Variants in DOCK2 observed in about 807,000 individuals in gnomAD.
DOCK2 encodes the protein dedicator of cytokinesis protein 2.
Under a neutral mutation model 248.9 loss-of-function variants are expected in DOCK2, and 87 were observed. The ratio of observed to expected loss-of-function variants is 0.35; its 90% CI spans 0.29 to 0.42. DOCK2 has a LOEUF of 0.42. Ranked by LOEUF, DOCK2 falls within the 10% of genes least tolerant of loss-of-function variation. The probability of loss-of-function intolerance (pLI) is 1.00; values close to 1 mark genes in which losing one functional copy is unlikely to be tolerated. For missense variants in DOCK2, 1,747 were observed against 2,300.2 expected, an observed-to-expected ratio of 0.76 and a Z score of 4.92; for synonymous variants, 805 against 821.6, an observed-to-expected ratio of 0.98 and a Z score of 0.35.
rs547978458 is a variant in DOCK2 at position 169,835,260 on chromosome 5, G to GTT, written c.2704-5479_2704-5478dup. Among the ~76,000 whole-genome samples the GTT allele has an allele frequency of 1.2e-3, 166 of 134,742 alleles. 4 individuals are homozygous for GTT. Among genetic ancestry groups the GTT allele is most frequent in the African/African-American group, 3.2e-3 (112 of 35,444 alleles). The allele number at this position is 134,742 out of a possible 152,430, so 88.4% of individuals were successfully genotyped here. On this transcript the variant is annotated intron_variant, in intron 26 of 51. Coordinates refer to ENST00000520908, the MANE Select transcript of DOCK2 (RefSeq NM_004946.3). The stretch of plus-strand genomic sequence containing the variant: ...GTGGGAGGAAAGAGTGAAATGCCTG[G>GTT]TTTTTTTTTTTTTTTTTTTGAGACT...
At chr5:170,008,920 T>G (rs10064355) in intron 32 of DOCK2, among the ~76,000 whole-genome samples, 174 bp downstream of exon 32, 62,879 of 151,552 alleles carry the variant, frequency 0.41, 12,996 homozygotes, top group Middle Eastern at 0.5. Flanking sequence ...ATAAGAGGGG[T>G]TCCCCATACC....
intron 27 of DOCK2, among the ~76,000 whole-genome samples, chr5:169,936,189 A>G (rs1373967513): frequency 1.3e-5 from 2 of 152,208 alleles, no homozygotes; most frequent in East Asian, 1.9e-4. Flanking sequence ...CTACACACAG[A>G]ATTAATCCAT....
At chr5:170,045,102 T>G (rs1048481716) in intron 38 of DOCK2, among the ~76,000 whole-genome samples, 1 of 152,172 alleles carries the variant, frequency 6.6e-6, no homozygotes, top group Non-Finnish European at 1.5e-5. Context: ...AGTCTTAATT[T>G]TTTTTTAATA....
intron 27 of DOCK2, chr5:169,883,933 TCTC>T (rs2113512670): frequency 2.8e-6 from 4 of 1,450,384 alleles, no homozygotes; most frequent in Non-Finnish European, 3.6e-6. Context: ...ACCATACACT[TCTC>T]CTAGGCACAT....
chr5:169,776,168 T>TAAAC (rs1765376034), intron 25 of DOCK2, among the ~76,000 whole-genome samples: 2 of 144,456 alleles, frequency 1.4e-5, no homozygotes, highest in African/African-American at 5.0e-5. Context: ...TATATATATT[T>TAAAC]ATATAAATAT....
intron 25 of DOCK2, among the ~76,000 whole-genome samples, chr5:169,800,722 A>G (rs1382340920): frequency 6.6e-6 from 1 of 152,042 alleles, no homozygotes; most frequent in Non-Finnish European, 1.5e-5. Context: ...ACTCTGGTAA[A>G]TTTAAGTAAA....
chr5:169,665,692 T>G (rs1387791998), intron 2 of DOCK2, among the ~76,000 whole-genome samples: 1 of 152,188 alleles, frequency 6.6e-6, no homozygotes, highest in Admixed American at 6.5e-5. Context: ...AAATAGTGTT[T>G]GTAGCACTCC....
At chr5:169,724,476 T>G (rs1373254378) in intron 22 of DOCK2, among the ~76,000 whole-genome samples, 1 of 152,038 alleles carries the variant, frequency 6.6e-6, no homozygotes, top group Non-Finnish European at 1.5e-5. Context: ...AAAATTGCAC[T>G]CTGTGTCCTG....
At chr5:169,669,098 A>AT (rs1329458358) in intron 2 of DOCK2, among the ~76,000 whole-genome samples, 190 bp from the exon 3 acceptor site, 1 of 152,154 alleles carries the variant, frequency 6.6e-6, no homozygotes, top group Non-Finnish European at 1.5e-5. Flanking sequence ...TTTAGATGTT[A>AT]TTTTGAGATG....
intron 26 of DOCK2, among the ~76,000 whole-genome samples, chr5:169,813,470 C>A (rs1057169248): frequency 4.6e-5 from 7 of 152,010 alleles, no homozygotes; most frequent in South Asian, 2.1e-4. Context: ...TTATTTTTTT[C>A]TTTCTGGAAA....
At chr5:169,875,179 T>C (rs1483233193) in intron 27 of DOCK2, 4 of 454,114 alleles carry the variant, frequency 8.8e-6, no homozygotes, top group Non-Finnish European at 1.8e-5. Context: ...ACCCTGATTT[T>C]TTACCTAAAA....
intron 27 of DOCK2, among the ~76,000 whole-genome samples, chr5:169,970,291 G>C (rs1223582586): frequency 6.6e-6 from 1 of 152,238 alleles, no homozygotes; most frequent in East Asian, 1.9e-4. Context: ...TTGCTCAATG[G>C]CTTGTTCTGC....
intron 30 of DOCK2, among the ~76,000 whole-genome samples, chr5:170,000,680 ACT>A (rs1224660538): frequency 6.6e-6 from 1 of 151,528 alleles, no homozygotes; most frequent in Non-Finnish European, 1.5e-5. Flanking sequence ...CTCCAGAAAG[ACT>A]CTGTGTTAGG....
chr5:169,699,343 A>T (rs371838433), intron 11 of DOCK2, 39 bp from the exon 12 acceptor site: 1 of 1,598,902 alleles, frequency 6.3e-7, no homozygotes, highest in Non-Finnish European at 8.5e-7. Context: ...CGCAAGGAGG[A>T]CACGATGTGG....
intron 27 of DOCK2, among the ~76,000 whole-genome samples, chr5:169,976,416 T>A (rs2113774419): frequency 6.6e-6 from 1 of 152,266 alleles, no homozygotes. Context: ...ACTGACAGGA[T>A]TCAGTAACTG....
chr5:170,082,949 T>C lies in DOCK2; in HGVS notation c.*91T>C. ...CGTGGAACATCGAAGCCTCAGAGAG[T>C]GGGAGACTGTCCCCATCAGTTGTCC... On this transcript the variant is annotated 3_prime_UTR_variant, in exon 52 of 52. Coordinates refer to ENST00000520908, the MANE Select transcript of DOCK2 (RefSeq NM_004946.3). The C allele has an allele frequency of 1.3e-6, 2 of 1,527,464 alleles. No individual in the cohort carries two copies. The highest frequency in any genetic ancestry group is 1.8e-6 in the Non-Finnish European group (2 of 1,108,506). The allele number at this position is 1,527,464 out of a possible 1,614,324, so 94.6% of individuals were successfully genotyped here. A position where few individuals can be genotyped will look rare whatever the true frequency, so the allele number is the denominator to read the frequency against.
chr5:169,733,652 GAAATT>G (rs1296277612), intron 22 of DOCK2, among the ~76,000 whole-genome samples: 3 of 152,018 alleles, frequency 2.0e-5, no homozygotes, highest in African/African-American at 7.2e-5. Flanking sequence ...TAAAATCCCT[GAAATT>G]AAATTATCTG....
At position 169,674,274 on chromosome 5, in the gene DOCK2, A is replaced by G. The variant is rs763830472; in HGVS notation, c.322-23A>G. The G allele has an allele frequency of 3.1e-6, 5 of 1,612,884 alleles. No homozygotes were observed. The Admixed American group carries it at 5.0e-5, about 16-fold the overall frequency. ...TCATGCCCCTTTAACACAGGTAATT[A>G]TGGGTTGTTTCTTGTCTCCTAGGCC... On this transcript the variant is annotated intron_variant, in intron 5 of 51. Transcript: ENST00000520908.
chr5:169,720,101 T>C (rs893261602), intron 22 of DOCK2, among the ~76,000 whole-genome samples: 3 of 152,204 alleles, frequency 2.0e-5, no homozygotes, highest in African/African-American at 7.2e-5. Flanking sequence ...ACAGAACAAA[T>C]GCACTTAGGT....
Sources: gnomAD v4.1 joint callset for allele counts (sites outside exome capture counted in the v4.1 genomes callset) on GRCh38, gnomAD v4.1.1 for gene constraint, MANE v1.5 for transcripts, NCBI Gene and HGNC (gene_info 2026-07-23, HGNC 2026-07-21) for gene names.